The following ITGA9 variants were observed in gnomAD, a reference collection of about 807,000 sequenced individuals.
ITGA9 encodes integrin subunit alpha 9, also known as integrin alpha-9.
A neutral mutation model predicts 127.8 loss-of-function variants in ITGA9; 56 were observed. That is an observed-to-expected ratio of 0.44 (90% CI 0.35 to 0.55). The LOEUF is 0.55. Ranked by LOEUF, ITGA9 falls within the 20% of genes least tolerant of loss-of-function variation. The pLI, the probability that ITGA9 is intolerant of heterozygous loss-of-function variation, is 0.00. For synonymous variants in ITGA9, 508 were observed against 514.5 expected (o/e 0.99, Z 0.17); for missense variants, 1,196 against 1,347.1 (o/e 0.89, Z 1.76).
chr3:37,628,357 A>C (rs553762029), intron 15 of ITGA9, among the ~76,000 whole-genome samples: 45 of 152,292 alleles, frequency 3.0e-4, no homozygotes, highest in African/African-American at 1.1e-3. Context: ...TGTGGGGGCC[A>C]GAGTCCCCAG....
intron 14 of ITGA9, among the ~76,000 whole-genome samples, chr3:37,538,137 T>C (rs924270840): frequency 2.6e-5 from 4 of 152,214 alleles, no homozygotes; most frequent in Non-Finnish European, 5.9e-5. Flanking sequence ...GCTCTCTGAG[T>C]GATTGCATTT....
At chr3:37,801,314 AG>A (rs1697232618) in intron 26 of ITGA9, among the ~76,000 whole-genome samples, 1 of 151,996 alleles carries the variant, frequency 6.6e-6, no homozygotes, top group Non-Finnish European at 1.5e-5. Flanking sequence ...ACTGGAAGGA[AG>A]GGGGAAGGGA....
chr3:37,493,279 C>T (rs1340588358), intron 4 of ITGA9, among the ~76,000 whole-genome samples: 2 of 152,160 alleles, frequency 1.3e-5, no homozygotes, highest in Non-Finnish European at 2.9e-5. Context: ...GGAAGTGGCA[C>T]TGTGTTGCAA....
chr3:37,487,557 T>C (rs1698623794), intron 4 of ITGA9, among the ~76,000 whole-genome samples: 1 of 152,240 alleles, frequency 6.6e-6, no homozygotes. Flanking sequence ...CTAATATTTA[T>C]TGAGCACCTA....
intron 17 of ITGA9, among the ~76,000 whole-genome samples, chr3:37,664,880 C>T (rs192336771): frequency 6.6e-6 from 1 of 151,638 alleles, no homozygotes; most frequent in Admixed American, 6.6e-5. Context: ...AAAATGTTGT[C>T]AGAACATTAG....
At chr3:37,628,951 C>G (rs574949766) in intron 15 of ITGA9, among the ~76,000 whole-genome samples, 29 of 152,278 alleles carry the variant, frequency 1.9e-4, no homozygotes, top group African/African-American at 6.7e-4. Flanking sequence ...TAGCACCATG[C>G]AAGGTAGAGA....
intron 16 of ITGA9, among the ~76,000 whole-genome samples, chr3:37,649,487 A>G (rs1700409878): frequency 6.6e-6 from 1 of 152,196 alleles, no homozygotes; most frequent in African/African-American, 2.4e-5. Context: ...GACAAAGGTC[A>G]TTTCTTAATG....
At chr3:37,620,917 C>G (rs1183558874) in intron 15 of ITGA9, among the ~76,000 whole-genome samples, 1 of 152,226 alleles carries the variant, frequency 6.6e-6, no homozygotes, top group Non-Finnish European at 1.5e-5. Flanking sequence ...CTCAGCTTCC[C>G]TATGCCTCAT....
intron 2 of ITGA9, among the ~76,000 whole-genome samples, chr3:37,471,439 T>G (rs532569817): frequency 6.6e-6 from 1 of 152,028 alleles, no homozygotes; most frequent in African/African-American, 2.4e-5. Context: ...TTAATCTAGA[T>G]AGGAGGGTCA....
intron 26 of ITGA9, among the ~76,000 whole-genome samples, chr3:37,788,913 C>G (rs529737801): frequency 3.6e-4 from 55 of 152,224 alleles, no homozygotes; most frequent in South Asian, 1.2e-3. Context: ...ACGGGACTTA[C>G]CTGTTTGTTT....
rs546198790 is a variant in ITGA9 at position 37,731,067 on chromosome 3, T to C, written c.2068-1645T>C. 4.6e-5 allele frequency among the ~76,000 whole-genome samples: 7 copies of C among 152,296 alleles called. No homozygotes were observed. In the South Asian group the frequency reaches 1.5e-3, roughly 32 times the overall value. ...GGGAAGGAAAGCTCATAGCAGCAGC[T>C]ACCAAACATCATTATCCGGCAGAAT... On this transcript the variant is annotated intron_variant, in intron 18 of 27. Transcript: ENST00000264741.
intron 1 of ITGA9, among the ~76,000 whole-genome samples, chr3:37,461,712 A>G (rs1199573481): frequency 6.6e-6 from 1 of 152,224 alleles, no homozygotes; most frequent in Non-Finnish European, 1.5e-5. Flanking sequence ...TATGCTCTAC[A>G]TAAATCTGCA....
chr3:37,673,264 C>T (rs1385177702), intron 17 of ITGA9, among the ~76,000 whole-genome samples: 4 of 152,202 alleles, frequency 2.6e-5, no homozygotes, highest in Non-Finnish European at 5.9e-5. Flanking sequence ...GCTCCAACTA[C>T]AACCTATTCC....
At chr3:37,607,137 C>T (rs1415606097) in intron 15 of ITGA9, among the ~76,000 whole-genome samples, 1 of 151,992 alleles carries the variant, frequency 6.6e-6, no homozygotes, top group Non-Finnish European at 1.5e-5. Context: ...CATGTGCCCC[C>T]GTACCTGGCT....
rs755281363 is a variant in ITGA9 at position 37,803,894 on chromosome 3, G to T, written c.2961G>T (p.Leu987Phe). Reference sequence around the variant, plus strand: ...TGGGGTGGATCATCGCCATCAGTTTGTTGGTGGGAATCCTCATCTTCCTGC... The same window carrying T: ...TGGGGTGGATCATCGCCATCAGTTTTTTGGTGGGAATCCTCATCTTCCTGC... ...YVVGWIIAIS[L>F]LVGILIFLLL... Residue 987 changes from leucine to phenylalanine, a missense_variant, in exon 27 of 28, where the codon TTG (leucine) becomes TTT (phenylalanine). Coordinates refer to ENST00000264741, the MANE Select transcript of ITGA9 (RefSeq NM_002207.3). 1 of 1,614,200 alleles carries T rather than the reference G, an allele frequency of 6.2e-7. No individual in the cohort carries two copies.
At chr3:37,564,761 C>G (rs1312471604) in intron 15 of ITGA9, among the ~76,000 whole-genome samples, 1 of 152,190 alleles carries the variant, frequency 6.6e-6, no homozygotes, top group Non-Finnish European at 1.5e-5. Flanking sequence ...GGGGCTTACC[C>G]TGAAGAGCTT....
chr3:37,615,513 G>A (rs376112064), intron 15 of ITGA9, among the ~76,000 whole-genome samples: 131 of 152,230 alleles, frequency 8.6e-4, no homozygotes, highest in Non-Finnish European at 1.3e-4. Flanking sequence ...CTCTTTTTCT[G>A]TTGATTGGAA....
At chr3:37,505,588 C>T (rs1478285528) in intron 6 of ITGA9, among the ~76,000 whole-genome samples, 3 of 152,008 alleles carry the variant, frequency 2.0e-5, no homozygotes. Context: ...ATGAGGGAAC[C>T]CTCTGGGGTT....
intron 15 of ITGA9, chr3:37,573,356 G>C: frequency 6.6e-6 from 1 of 152,124 alleles, no homozygotes; most frequent in East Asian, 1.9e-4. Context: ...AGTTACTCTA[G>C]CTCTGTAACA....
Sources: allele counts gnomAD v4.1 joint callset (sites outside exome capture counted in the v4.1 genomes callset), GRCh38; gene constraint gnomAD v4.1.1; transcripts MANE v1.5; gene names NCBI Gene and HGNC (gene_info 2026-07-23, HGNC 2026-07-21).